The following PKNOX2 variants were observed in gnomAD, a reference collection of about 807,000 sequenced individuals.
The protein encoded by PKNOX2 is homeobox protein PKNOX2.
PKNOX2 carries 14 observed loss-of-function variants against 53.1 expected under a neutral mutation model. The ratio of observed to expected loss-of-function variants is 0.26; its 90% CI spans 0.17 to 0.41. The LOEUF (loss-of-function observed/expected upper bound fraction) is 0.41, where lower values mean the gene tolerates loss of function less well. Ranked by LOEUF, PKNOX2 falls within the 10% of genes least tolerant of loss-of-function variation. The pLI is 1.00. For missense variants in PKNOX2, 496 were observed against 602.8 expected, an observed-to-expected ratio of 0.82 and a Z score of 1.85; for synonymous variants, 257 against 242.8, an observed-to-expected ratio of 1.06 and a Z score of -0.54.
intron 1 of PKNOX2, among the ~76,000 whole-genome samples, chr11:125,220,324 G>A (rs1329419080): frequency 6.6e-6 from 1 of 152,196 alleles, no homozygotes; most frequent in East Asian, 1.9e-4. Context: ...CAAACACTGT[G>A]CAAATCCCAC....
chr11:125,407,066 G>A (rs902090340), intron 7 of PKNOX2, among the ~76,000 whole-genome samples: 3 of 151,722 alleles, frequency 2.0e-5, no homozygotes, highest in South Asian at 2.1e-4. Flanking sequence ...CACCTAAAAC[G>A]TTGCCAGTCC....
At chr11:125,428,659 C>T (rs1956548481) in intron 10 of PKNOX2, among the ~76,000 whole-genome samples, 1 of 152,274 alleles carries the variant, frequency 6.6e-6, no homozygotes, top group South Asian at 2.1e-4. Context: ...CTAACACTGA[C>T]AATGCCTGCC....
At position 125,206,990 on chromosome 11, in the gene PKNOX2, T is replaced by G. The variant is rs1309544028; in HGVS notation, c.-200-28055T>G. ...GCTGTGAGAGAGGGAGGGGCTGGGTTCCAGAACTAGGTAGAAGGAAAAATC... is the reference window on the plus strand; with the variant it reads ...GCTGTGAGAGAGGGAGGGGCTGGGTGCCAGAACTAGGTAGAAGGAAAAATC... On this transcript the variant is annotated intron_variant, in intron 1 of 12. Transcript: ENST00000298282. Among the ~76,000 whole-genome samples the G allele has an allele frequency of 1.1e-4, 15 of 141,246 alleles. 1 individual carries two copies. Among genetic ancestry groups the G allele is most frequent in the African/African-American group, 4.0e-4 (15 of 37,762 alleles). The allele number at this position is 141,246 out of a possible 152,430, so 92.7% of individuals were successfully genotyped here. A position where few individuals can be genotyped will look rare whatever the true frequency, so the allele number is the denominator to read the frequency against.
At chr11:125,261,025 C>T (rs535143851) in intron 2 of PKNOX2, among the ~76,000 whole-genome samples, 1 of 152,216 alleles carries the variant, frequency 6.6e-6, no homozygotes, top group South Asian at 2.1e-4. Flanking sequence ...ATAATAATTA[C>T]CTATGGCACA....
chr11:125,297,567 T>C (rs1947738796), intron 2 of PKNOX2, among the ~76,000 whole-genome samples: 1 of 152,184 alleles, frequency 6.6e-6, no homozygotes, highest in African/African-American at 2.4e-5. Context: ...TCTTTGCAAA[T>C]GAGTGTTGTG....
chr11:125,330,808 C>T (rs1950094516), intron 2 of PKNOX2, among the ~76,000 whole-genome samples: 1 of 152,226 alleles, frequency 6.6e-6, no homozygotes, highest in South Asian at 2.1e-4. Context: ...CACTGTTTAG[C>T]TCCTCCTGTT....
At chr11:125,283,600 T>G (rs1754914150) in intron 2 of PKNOX2, among the ~76,000 whole-genome samples, 1 of 152,242 alleles carries the variant, frequency 6.6e-6, no homozygotes, top group Non-Finnish European at 1.5e-5. Flanking sequence ...CTGTGTGTTT[T>G]CAGGATACAA....
At chr11:125,309,490 C>G (rs772906336) in intron 2 of PKNOX2, among the ~76,000 whole-genome samples, 2 of 151,068 alleles carry the variant, frequency 1.3e-5, no homozygotes, top group African/African-American at 2.4e-5. Context: ...CAGGTTCAAA[C>G]GATTCTCCCA....
intron 2 of PKNOX2, among the ~76,000 whole-genome samples, chr11:125,259,578 C>T (rs1286799122): frequency 1.3e-5 from 2 of 152,188 alleles, no homozygotes; most frequent in African/African-American, 2.4e-5. Flanking sequence ...ATCCCTGCTC[C>T]CCACATGAGG....
At chr11:125,335,372 A>G (rs1565499737) in intron 3 of PKNOX2, among the ~76,000 whole-genome samples, 2 of 152,140 alleles carry the variant, frequency 1.3e-5, no homozygotes, top group African/African-American at 2.4e-5. Context: ...ATGACCTTTT[A>G]TTGGCCACTG....
chr11:125,282,753 G>A (rs554679257), intron 2 of PKNOX2, among the ~76,000 whole-genome samples: 61 of 152,336 alleles, frequency 4.0e-4, no homozygotes, highest in African/African-American at 1.4e-3. Context: ...TTGCAATGAT[G>A]GAATTGTTCT....
chr11:125,176,050 T>A (rs11827164), intron 1 of PKNOX2, among the ~76,000 whole-genome samples: 51 of 152,162 alleles, frequency 3.4e-4, no homozygotes, highest in Non-Finnish European at 7.1e-4. Flanking sequence ...GCTGGCAGGG[T>A]GGCTTTCCAT....
intron 6 of PKNOX2, among the ~76,000 whole-genome samples, chr11:125,389,921 G>A (rs979539510): frequency 1.3e-5 from 2 of 152,284 alleles, no homozygotes; most frequent in African/African-American, 4.8e-5. Flanking sequence ...CAGGCCCCTG[G>A]GCCCACTCTG....
intron 2 of PKNOX2, among the ~76,000 whole-genome samples, chr11:125,279,578 C>G (rs1591510397): frequency 6.6e-6 from 1 of 152,208 alleles, no homozygotes. Flanking sequence ...GTGGCCCCAG[C>G]ATCTGAGGGG....
At chr11:125,293,620 C>CAA (rs1435178287) in intron 2 of PKNOX2, among the ~76,000 whole-genome samples, 1 of 152,232 alleles carries the variant, frequency 6.6e-6, no homozygotes, top group Non-Finnish European at 1.5e-5. Flanking sequence ...TTCCAGAAGA[C>CAA]ATCCCTGTTT....
At chr11:125,237,217 A>G (rs1295049143) in intron 2 of PKNOX2, among the ~76,000 whole-genome samples, 1 of 152,184 alleles carries the variant, frequency 6.6e-6, no homozygotes, top group Admixed American at 6.5e-5. Flanking sequence ...TGGCAGCTTG[A>G]TTCCAAGGGT....
At chr11:125,284,794 C>G (rs1946791485) in intron 2 of PKNOX2, among the ~76,000 whole-genome samples, 3 of 152,298 alleles carry the variant, frequency 2.0e-5, no homozygotes, top group South Asian at 2.1e-4. Context: ...CTAGGGACTT[C>G]TGGAGGTCAT....
chr11:125,186,120 G>GT (rs58082491), intron 1 of PKNOX2, among the ~76,000 whole-genome samples: 152,125 of 152,128 alleles, frequency 1, 76,061 homozygotes, highest in Middle Eastern at 1. Flanking sequence ...TCTCGTTATG[G>GT]TTTGATTTTC....
chr11:125,177,763 T>G (rs1243794939), intron 1 of PKNOX2, among the ~76,000 whole-genome samples: 1 of 152,124 alleles, frequency 6.6e-6, no homozygotes, highest in Non-Finnish European at 1.5e-5. Flanking sequence ...TGTGGGCCTC[T>G]CTGGGGAGCA....
Sources: allele counts gnomAD v4.1 joint callset (sites outside exome capture counted in the v4.1 genomes callset), GRCh38; gene constraint gnomAD v4.1.1; transcripts MANE v1.5; gene names NCBI Gene and HGNC (gene_info 2026-07-23, HGNC 2026-07-21).